OPHN1: variants seen among roughly 807,000 people sequenced by gnomAD.
OPHN1 encodes oligophrenin 1.
A neutral mutation model predicts 60.7 loss-of-function variants in OPHN1; 11 were observed. The observed-to-expected ratio is 0.18, with a 90% CI of 0.11 to 0.30. The LOEUF (loss-of-function observed/expected upper bound fraction) is 0.30. OPHN1 is among the 10% of genes least tolerant of loss of function. OPHN1 has a pLI of 1.00. For missense variants in OPHN1, 449 were observed against 611.0 expected, an observed-to-expected ratio of 0.73 and a Z score of 2.80; for synonymous variants, 226 against 222.6, an observed-to-expected ratio of 1.02 and a Z score of -0.14.
At chrX:68,398,327 C>T (rs1005307542) in intron 2 of OPHN1, among the ~76,000 whole-genome samples, 14 of 111,966 alleles carry the variant, frequency 1.3e-4, no homozygotes, top group African/African-American at 4.5e-4. Flanking sequence ...TCATCTGCTG[C>T]TCCATTAATT....
At chrX:68,226,687 T>G (rs2077695079) in intron 6 of OPHN1, among the ~76,000 whole-genome samples, 1 of 111,446 alleles carries the variant, frequency 9.0e-6, no homozygotes. Flanking sequence ...TGCTGAGAGA[T>G]TCTGTCACTA....
chrX:68,363,019 G>A (rs968008738), intron 2 of OPHN1, among the ~76,000 whole-genome samples: 5 of 110,504 alleles, frequency 4.5e-5, no homozygotes, highest in Non-Finnish European at 9.4e-5. Flanking sequence ...ATGCCAAGGC[G>A]GGTGGATCAC....
chrX:68,043,507 G>T lies in OPHN1; in HGVS notation c.*3665C>A, dbSNP rs1334865189. The T allele has an allele frequency of 1.8e-5, 2 of 110,558 alleles. No individual in the cohort carries two copies. The highest frequency in any genetic ancestry group is 6.6e-5 in the African/African-American group (2 of 30,321). The allele number at this position is 110,558 out of a possible 1,213,427, so 9.1% of individuals were successfully genotyped here. A position where few individuals can be genotyped will look rare whatever the true frequency, so the allele number is the denominator to read the frequency against. On this transcript the variant is annotated 3_prime_UTR_variant, in exon 25 of 25. Coordinates refer to ENST00000355520, the MANE Select transcript of OPHN1 (RefSeq NM_002547.3). ...CAGCTACCTTAGAAGTAGTATAATTGATCTATGTTCTCTCAAAAGCAATTT... is the reference window on the plus strand; with the variant it reads ...CAGCTACCTTAGAAGTAGTATAATTTATCTATGTTCTCTCAAAAGCAATTT...
At chrX:68,127,058 C>T (rs1409274061) in intron 15 of OPHN1, among the ~76,000 whole-genome samples, 1 of 111,721 alleles carries the variant, frequency 9.0e-6, no homozygotes, top group Admixed American at 9.5e-5. Flanking sequence ...GTCTGTAGAT[C>T]TCATGAAGAT....
intron 20 of OPHN1, chrX:68,071,207 T>C: frequency 1.5e-6 from 1 of 668,941 alleles, no homozygotes; most frequent in African/African-American, 2.1e-5. Context: ...TCCTTCTTCA[T>C]CAAAAAACCA....
At chrX:68,274,120 C>A (rs2077981981) in intron 5 of OPHN1, among the ~76,000 whole-genome samples, 1 of 111,682 alleles carries the variant, frequency 9.0e-6, no homozygotes, top group African/African-American at 3.3e-5. Context: ...CAATCACCTC[C>A]CACTGGGCCC....
At chrX:68,132,339 C>G (rs1471560140) in intron 15 of OPHN1, among the ~76,000 whole-genome samples, 1 of 105,562 alleles carries the variant, frequency 9.5e-6, no homozygotes, top group Non-Finnish European at 1.9e-5. Context: ...GAAAATGTGG[C>G]ACATATACAC....
At chrX:68,128,266 G>T (rs1430583650) in intron 15 of OPHN1, among the ~76,000 whole-genome samples, 1 of 110,181 alleles carries the variant, frequency 9.1e-6, no homozygotes, top group East Asian at 2.9e-4. Flanking sequence ...TGTTGCCCAG[G>T]CTGGTCTAGA....
chrX:68,378,892 C>T (rs2078577477), intron 2 of OPHN1, among the ~76,000 whole-genome samples: 1 of 111,480 alleles, frequency 9.0e-6, no homozygotes, highest in South Asian at 3.7e-4. Context: ...GTTCTTTTTG[C>T]TTAGGATTGA....
intron 12 of OPHN1, 28 bp from the exon 13 acceptor site, chrX:68,194,526 CA>C (rs761766200): frequency 8.7e-7 from 1 of 1,148,388 alleles, no homozygotes; most frequent in South Asian, 1.8e-5. Context: ...CAGAAAGATC[CA>C]TGGCTATTGT....
chrX:68,201,283 A>G (rs2077534002), intron 11 of OPHN1, among the ~76,000 whole-genome samples: 1 of 112,381 alleles, frequency 8.9e-6, no homozygotes, highest in Admixed American at 9.5e-5. Context: ...TTAACAAAGA[A>G]TGAGCTTTGT....
At chrX:68,075,629 T>C (rs2076950532) in intron 19 of OPHN1, among the ~76,000 whole-genome samples, 1 of 110,935 alleles carries the variant, frequency 9.0e-6, no homozygotes, top group African/African-American at 3.3e-5. Flanking sequence ...GTGGCACTGA[T>C]GTCAAGATAG....
chrX:68,130,347 T>A (rs1452047502), intron 15 of OPHN1, among the ~76,000 whole-genome samples: 1 of 111,591 alleles, frequency 9.0e-6, no homozygotes, highest in African/African-American at 3.3e-5. Context: ...GCCAATTGAT[T>A]CTCCCTGTAT....
intron 4 of OPHN1, among the ~76,000 whole-genome samples, chrX:68,277,923 T>C: frequency 8.9e-6 from 1 of 112,476 alleles, no homozygotes; most frequent in Non-Finnish European, 1.9e-5. Flanking sequence ...GGCCCTTGCA[T>C]ATTCAGGAAC....
At chrX:68,229,278 G>C (rs781413828) in intron 6 of OPHN1, among the ~76,000 whole-genome samples, 23 of 111,828 alleles carry the variant, frequency 2.1e-4, no homozygotes, top group African/African-American at 7.5e-4. Flanking sequence ...CAAAGAAATG[G>C]AAGTACATTC....
chrX:68,287,162 AAAG>A (rs1255107685), intron 3 of OPHN1, among the ~76,000 whole-genome samples: 2 of 97,311 alleles, frequency 2.1e-5, no homozygotes, highest in Non-Finnish European at 4.1e-5. Flanking sequence ...AGAAGGAAAG[AAAG>A]AAAGAAAGAA....
At chrX:68,267,828 G>A (rs1206623043) in intron 5 of OPHN1, among the ~76,000 whole-genome samples, 2 of 111,503 alleles carry the variant, frequency 1.8e-5, no homozygotes, top group East Asian at 2.8e-4. Context: ...TCAAATAGAT[G>A]CAACAAAAAA....
chrX:68,245,336 C>T (rs1400990711), intron 5 of OPHN1, among the ~76,000 whole-genome samples: 5 of 112,031 alleles, frequency 4.5e-5, no homozygotes, highest in Non-Finnish European at 7.5e-5. Context: ...TCTAATCACA[C>T]CAGATTACTA....
chrX:68,097,818 C>T (rs189938559), intron 18 of OPHN1, among the ~76,000 whole-genome samples: 1 of 111,407 alleles, frequency 9.0e-6, no homozygotes, highest in East Asian at 2.9e-4. Flanking sequence ...AGCTGCGCAA[C>T]AGTGAGTTCA....
Sources: allele counts gnomAD v4.1 joint callset (sites outside exome capture counted in the v4.1 genomes callset), GRCh38; gene constraint gnomAD v4.1.1; transcripts MANE v1.5; gene names NCBI Gene and HGNC (gene_info 2026-07-23, HGNC 2026-07-21).